KIAA1217: variants seen among roughly 807,000 people sequenced by gnomAD.
KIAA1217 encodes the protein KIAA1217, also known as sickle tail protein homolog.
In KIAA1217, 88 loss-of-function variants were observed where a neutral mutation model predicts 163.9. That is an observed-to-expected ratio of 0.54 (90% CI 0.45 to 0.64). KIAA1217 has a LOEUF of 0.64. Among genes scored for constraint, KIAA1217 ranks in the 30% least tolerant of loss-of-function variants. KIAA1217 has a pLI of 0.00. For missense variants in KIAA1217, 2,372 were observed against 2,475.0 expected, an observed-to-expected ratio of 0.96 and a Z score of 0.88; for synonymous variants, 903 against 923.1, an observed-to-expected ratio of 0.98 and a Z score of 0.39.
At chr10:24,468,605 A>T (rs1463875061) in intron 5 of KIAA1217, among the ~76,000 whole-genome samples, 1 of 152,168 alleles carries the variant, frequency 6.6e-6, no homozygotes, top group Non-Finnish European at 1.5e-5. Flanking sequence ...ACCCTTTTGG[A>T]TGATGGCAAG....
upstream of KIAA1217, chr10:24,208,900 C>A: frequency 3.3e-6 from 1 of 307,422 alleles, no homozygotes; most frequent in Non-Finnish European, 6.1e-6. Flanking sequence ...CCTGCCCTGG[C>A]AGAGCCCAGC....
At chr10:24,340,645 C>G (rs117538761) in intron 2 of KIAA1217, among the ~76,000 whole-genome samples, 1 of 152,288 alleles carries the variant, frequency 6.6e-6, no homozygotes, top group Non-Finnish European at 1.5e-5. Flanking sequence ...GCATCCATCA[C>G]AGGACTAAAG....
upstream of KIAA1217, among the ~76,000 whole-genome samples, chr10:24,208,039 G>A (rs371479998): frequency 5.3e-5 from 8 of 149,890 alleles, no homozygotes; most frequent in East Asian, 2.0e-4. Flanking sequence ...TTACAAAATC[G>A]CGCTCTTCCT....
At chr10:23,839,870 GT>G (rs957642170) in intron 1 of KIAA1217, among the ~76,000 whole-genome samples, 5 of 152,130 alleles carry the variant, frequency 3.3e-5, no homozygotes, top group Admixed American at 1.3e-4. Flanking sequence ...CAATCAGATA[GT>G]TTTTATTGAA....
intron 1 of KIAA1217, among the ~76,000 whole-genome samples, chr10:23,950,349 CAT>C (rs1844274902): frequency 6.6e-6 from 1 of 152,074 alleles, no homozygotes; most frequent in Non-Finnish European, 1.5e-5. Flanking sequence ...AAATTTTGAA[CAT>C]GTCTTCTATG....
chr10:24,460,707 T>G (rs1014041599), intron 5 of KIAA1217, among the ~76,000 whole-genome samples: 11 of 152,164 alleles, frequency 7.2e-5, no homozygotes. Flanking sequence ...ATGCTGTATG[T>G]TTTTTCTTTT....
At chr10:23,774,886 C>T (rs1020121818) in intron 1 of KIAA1217, among the ~76,000 whole-genome samples, 3 of 152,144 alleles carry the variant, frequency 2.0e-5, no homozygotes, top group Non-Finnish European at 4.4e-5. Flanking sequence ...TATAAGCTTG[C>T]TTTATAAGTT....
chr10:23,783,325 T>G (rs146427722), intron 1 of KIAA1217, among the ~76,000 whole-genome samples: 409 of 152,354 alleles, frequency 2.7e-3, no homozygotes, highest in African/African-American at 7.7e-3. Flanking sequence ...TAGATGATTA[T>G]GCTTTTTATT....
At chr10:24,281,909 T>C (rs778928418) in intron 2 of KIAA1217, among the ~76,000 whole-genome samples, 10 of 151,916 alleles carry the variant, frequency 6.6e-5, no homozygotes, top group Non-Finnish European at 1.2e-4. Context: ...TACAAAAAAT[T>C]AGCCAGGTGT....
intron 1 of KIAA1217, among the ~76,000 whole-genome samples, chr10:23,819,638 T>A (rs553324661): frequency 6.6e-6 from 1 of 152,336 alleles, no homozygotes; most frequent in South Asian, 2.1e-4. Flanking sequence ...AGGAAAATCA[T>A]CAAGCAAAAA....
chr10:23,896,840 G>A (rs1314381391), intron 1 of KIAA1217, among the ~76,000 whole-genome samples: 3 of 152,036 alleles, frequency 2.0e-5, no homozygotes, highest in Non-Finnish European at 2.9e-5. Context: ...TGAGGCAAGT[G>A]AAAATAGACT....
At chr10:24,319,631 T>TA (rs2043880219) in intron 2 of KIAA1217, among the ~76,000 whole-genome samples, 1 of 152,174 alleles carries the variant, frequency 6.6e-6, no homozygotes, top group African/African-American at 2.4e-5. Flanking sequence ...GCCCGGGGGC[T>TA]AGAGCGCACC....
chr10:24,460,326 C>T (rs577412430), intron 5 of KIAA1217, among the ~76,000 whole-genome samples: 2 of 152,248 alleles, frequency 1.3e-5, no homozygotes, highest in Non-Finnish European at 2.9e-5. Flanking sequence ...TCACACACTC[C>T]GTATACTTAG....
At chr10:24,266,136 TG>T (rs1293253108) in intron 2 of KIAA1217, among the ~76,000 whole-genome samples, 3 of 151,422 alleles carry the variant, frequency 2.0e-5, no homozygotes, top group African/African-American at 7.3e-5. Flanking sequence ...TGGAGTGCAG[TG>T]GTGCAATCTT....
chr10:24,117,926 A>G (rs1310316841), intron 2 of KIAA1217, among the ~76,000 whole-genome samples: 1 of 152,152 alleles, frequency 6.6e-6, no homozygotes, highest in African/African-American at 2.4e-5. Context: ...TGCACTCACA[A>G]AATGCATGGA....
At chr10:24,526,719 T>C (rs1226849290) in intron 13 of KIAA1217, among the ~76,000 whole-genome samples, 1 of 152,138 alleles carries the variant, frequency 6.6e-6, no homozygotes, top group Non-Finnish European at 1.5e-5. Context: ...CAGGCCCTCG[T>C]AGGCTCGGGG....
chr10:24,194,762 A>ATT (rs762968095), intron 2 of KIAA1217, among the ~76,000 whole-genome samples: 1,063 of 97,902 alleles, frequency 0.011, 26 homozygotes, highest in Middle Eastern at 0.031. Context: ...AGCCAATTAA[A>ATT]TTTTTTTTTT....
intron 1 of KIAA1217, among the ~76,000 whole-genome samples, chr10:23,697,139 T>C (rs1477176080): frequency 6.6e-6 from 1 of 152,250 alleles, no homozygotes; most frequent in Non-Finnish European, 1.5e-5. Flanking sequence ...AAATGCCATT[T>C]TTAGAGCAGA....
At chr10:24,252,515 G>A (rs185885111) in intron 2 of KIAA1217, among the ~76,000 whole-genome samples, 1 of 152,186 alleles carries the variant, frequency 6.6e-6, no homozygotes, top group Non-Finnish European at 1.5e-5. Flanking sequence ...AGAAGGTTGA[G>A]CCTGAAATGA....
Sources: allele counts gnomAD v4.1 joint callset (sites outside exome capture counted in the v4.1 genomes callset), GRCh38; gene constraint gnomAD v4.1.1; transcripts MANE v1.5; gene names NCBI Gene and HGNC (gene_info 2026-07-23, HGNC 2026-07-21).